Variants in LDLRAD3 observed in about 807,000 individuals in gnomAD.
LDLRAD3 encodes low density lipoprotein receptor class A domain containing 3.
Under a neutral mutation model 29.4 loss-of-function variants are expected in LDLRAD3, and 20 were observed. The observed-to-expected ratio is 0.68, with a 90% CI of 0.48 to 0.99. The LOEUF (loss-of-function observed/expected upper bound fraction) is 0.99. Ranked by LOEUF, LDLRAD3 falls within the 50% of genes least tolerant of loss-of-function variation. The probability of loss-of-function intolerance (pLI) is 0.00; values close to 1 mark genes in which losing one functional copy is unlikely to be tolerated. For missense variants in LDLRAD3, 420 were observed against 454.3 expected (o/e 0.92, Z 0.69); for synonymous variants, 157 against 192.7 (o/e 0.81, Z 1.53).
chr11:36,161,639 A>T (rs12282945), intron 4 of LDLRAD3, among the ~76,000 whole-genome samples: 2 of 151,980 alleles, frequency 1.3e-5, no homozygotes, highest in Non-Finnish European at 2.9e-5. Context: ...ACTCCACTTC[A>T]GTCCCGGCAA....
At chr11:36,218,246 A>C (rs1460854320) in intron 4 of LDLRAD3, among the ~76,000 whole-genome samples, 1 of 152,214 alleles carries the variant, frequency 6.6e-6, no homozygotes, top group Non-Finnish European at 1.5e-5. Flanking sequence ...GACATGTCAC[A>C]AGGCAAATGG....
chr11:36,045,562 G>C (rs922105393), intron 2 of LDLRAD3, among the ~76,000 whole-genome samples: 1 of 152,110 alleles, frequency 6.6e-6, no homozygotes, highest in Non-Finnish European at 1.5e-5. Flanking sequence ...TTAGCTGTCT[G>C]ATATGGTTTG....
At chr11:36,011,618 G>A (rs1189798565) in intron 1 of LDLRAD3, among the ~76,000 whole-genome samples, 1 of 152,170 alleles carries the variant, frequency 6.6e-6, no homozygotes, top group Admixed American at 6.5e-5. Context: ...AGAACCATAA[G>A]CAATTGTAAC....
At chr11:36,017,013 A>G (rs1852031634) in intron 1 of LDLRAD3, among the ~76,000 whole-genome samples, 1 of 152,270 alleles carries the variant, frequency 6.6e-6, no homozygotes, top group South Asian at 2.1e-4. Context: ...GCACTTTGGT[A>G]AGCGATGATA....
At chr11:36,077,239 G>A (rs1011847257) in intron 2 of LDLRAD3, among the ~76,000 whole-genome samples, 4 of 152,146 alleles carry the variant, frequency 2.6e-5, no homozygotes, top group African/African-American at 9.6e-5. Flanking sequence ...TTTAGTTTCT[G>A]GTTTATCCTC....
chr11:35,985,681 G>A (rs190312935), intron 1 of LDLRAD3, among the ~76,000 whole-genome samples: 94 of 152,192 alleles, frequency 6.2e-4, no homozygotes, highest in African/African-American at 2.2e-3. Context: ...TCTCGTGATA[G>A]TGAATAATAA....
At chr11:36,061,725 A>G (rs1287728792) in intron 2 of LDLRAD3, among the ~76,000 whole-genome samples, 1 of 152,226 alleles carries the variant, frequency 6.6e-6, no homozygotes, top group Non-Finnish European at 1.5e-5. Context: ...TTGTGCATAA[A>G]GCTCAGCCTG....
intron 2 of LDLRAD3, among the ~76,000 whole-genome samples, chr11:36,062,745 T>C (rs190836559): frequency 4.2e-4 from 64 of 152,346 alleles, no homozygotes; most frequent in African/African-American, 1.4e-3. Context: ...GCTGCCGCCA[T>C]GTGAAGAAGC....
chr11:36,193,123 C>A (rs1174957797), intron 4 of LDLRAD3, among the ~76,000 whole-genome samples: 3 of 152,196 alleles, frequency 2.0e-5, no homozygotes, highest in Non-Finnish European at 4.4e-5. Context: ...ATCACGGAAT[C>A]TCTCCGAGCC....
At chr11:36,048,715 G>T (rs1423540606) in intron 2 of LDLRAD3, among the ~76,000 whole-genome samples, 2 of 152,270 alleles carry the variant, frequency 1.3e-5, no homozygotes, top group East Asian at 1.9e-4. Context: ...AGGGGGACTT[G>T]GACGGCATCT....
At chr11:36,023,360 A>C (rs950966482) in intron 1 of LDLRAD3, among the ~76,000 whole-genome samples, 3 of 152,146 alleles carry the variant, frequency 2.0e-5, no homozygotes, top group Admixed American at 6.5e-5. Context: ...GCAGGGGGCC[A>C]TGGGGACTAG....
intron 4 of LDLRAD3, among the ~76,000 whole-genome samples, chr11:36,225,004 G>A (rs188307348): frequency 4.1e-4 from 63 of 152,216 alleles, no homozygotes; most frequent in African/African-American, 1.4e-3. Context: ...CCCATTGAGT[G>A]GCAGGTATTT....
chr11:36,012,657 G>A (rs1851970788), intron 1 of LDLRAD3, among the ~76,000 whole-genome samples: 1 of 152,080 alleles, frequency 6.6e-6, no homozygotes, highest in African/African-American at 2.4e-5. Context: ...TCATATCCTG[G>A]GCAGGACAGA....
chr11:36,064,882 A>G (rs986091157), intron 2 of LDLRAD3, among the ~76,000 whole-genome samples: 2 of 152,190 alleles, frequency 1.3e-5, no homozygotes, highest in Non-Finnish European at 2.9e-5. Context: ...GTTGGAGAAC[A>G]TATGTTATAT....
intron 4 of LDLRAD3, among the ~76,000 whole-genome samples, chr11:36,141,159 T>G (rs2133315303): frequency 6.6e-6 from 1 of 152,262 alleles, no homozygotes; most frequent in South Asian, 2.1e-4. Context: ...CAGTAATATA[T>G]GTGAAAATGC....
intron 2 of LDLRAD3, among the ~76,000 whole-genome samples, chr11:36,049,246 T>C (rs759294106): frequency 6.6e-6 from 1 of 152,198 alleles, no homozygotes. Flanking sequence ...TCCAGACAAA[T>C]CTTGCTGATC....
At position 36,116,035 on chromosome 11, in the gene LDLRAD3, A is replaced by G. The variant is rs557164182; in HGVS notation, c.454+17574A>G. Among the ~76,000 whole-genome samples, 267 of 152,272 alleles carry G rather than the reference A, an allele frequency of 1.8e-3. 1 individual carries two copies. Among genetic ancestry groups the G allele is most frequent in the African/African-American group, 5.9e-3 (247 of 41,546 alleles). ...GTAGCTCTGTGATTTTGAGCAAGTT[A>G]CTTAACCACTCTGAGCTTCACAAAG... is the stretch of plus-strand genomic sequence containing the variant. On this transcript the variant is annotated intron_variant, in intron 4 of 5. Transcript: ENST00000315571.
At chr11:36,040,926 G>A (rs1368829999) in intron 2 of LDLRAD3, among the ~76,000 whole-genome samples, 1 of 152,006 alleles carries the variant, frequency 6.6e-6, no homozygotes, top group Non-Finnish European at 1.5e-5. Context: ...TAGATTGAGT[G>A]TTTTCCCTTA....
In LDLRAD3 at chr11:36,213,428, A is replaced by G. The variant is rs1855310318; in HGVS notation, c.455-13657A>G. Among the ~76,000 whole-genome samples the G allele has an allele frequency of 6.6e-6, 1 of 152,180 alleles. No homozygotes were observed. Among genetic ancestry groups the G allele is most frequent in the African/African-American group, 2.4e-5 (1 of 41,448 alleles). On this transcript the variant is annotated intron_variant, in intron 4 of 5. Transcript: ENST00000315571. The surrounding 1 kb of genome is among the most constrained non-coding windows in gnomAD (Gnocchi z 4.1). Reference sequence around the variant, plus strand: ...TTAAACTTTTTCAATCCGCATCTAAATTGGGATGGGTGATGTGCTTGGAAT... The same window carrying G: ...TTAAACTTTTTCAATCCGCATCTAAGTTGGGATGGGTGATGTGCTTGGAAT...
Sources: allele counts gnomAD v4.1 joint callset (sites outside exome capture counted in the v4.1 genomes callset), GRCh38; gene constraint gnomAD v4.1.1; non-coding constraint Gnocchi (gnomAD v3.1); transcripts MANE v1.5; gene names NCBI Gene and HGNC (gene_info 2026-07-23, HGNC 2026-07-21).